The following TENM2 variants were observed in gnomAD, a reference collection of about 807,000 sequenced individuals.
TENM2 encodes teneurin-2.
In TENM2, 52 loss-of-function variants were observed where a neutral mutation model predicts 245.2. The ratio of observed to expected loss-of-function variants is 0.21; its 90% CI spans 0.17 to 0.27. The LOEUF (loss-of-function observed/expected upper bound fraction) is 0.27, where lower values mean the gene tolerates loss of function less well. Ranked by LOEUF, TENM2 falls within the 10% of genes least tolerant of loss-of-function variation. TENM2 has a pLI of 1.00. For missense variants in TENM2, 3,046 were observed against 3,666.8 expected (o/e 0.83, Z 4.37); for synonymous variants, 1,363 against 1,438.9 (o/e 0.95, Z 1.19).
intron 13 of TENM2, chr5:168,187,418 GA>G (rs1760567508): frequency 6.6e-6 from 1 of 152,234 alleles, no homozygotes; most frequent in Admixed American, 6.5e-5. Flanking sequence ...GTTGGAGGGG[GA>G]GGAAATATTT....
At chr5:167,715,660 A>G (rs1311285832) in intron 2 of TENM2, among the ~76,000 whole-genome samples, 3 of 152,192 alleles carry the variant, frequency 2.0e-5, no homozygotes, top group Admixed American at 1.3e-4. Flanking sequence ...ATACCTTTCC[A>G]TATAGTGTCA....
chr5:167,004,007 C>G, the TENM2 span, among the ~76,000 whole-genome samples: 1 of 152,122 alleles, frequency 6.6e-6, no homozygotes, highest in Non-Finnish European at 1.5e-5. Context: ...TTCCTTTGCT[C>G]AGGAATTGTA....
At chr5:167,349,234 G>A (rs1413917256) in intron 1 of TENM2, among the ~76,000 whole-genome samples, 1 of 152,148 alleles carries the variant, frequency 6.6e-6, no homozygotes, top group Non-Finnish European at 1.5e-5. Flanking sequence ...GTCATGGTTG[G>A]TGCACGTCAT....
At chr5:167,277,673 C>A in the TENM2 span, among the ~76,000 whole-genome samples, 1 of 152,184 alleles carries the variant, frequency 6.6e-6, no homozygotes, top group East Asian at 1.9e-4. Context: ...CTGATTTTTC[C>A]ACTTAAATAT....
chr5:167,526,798 T>C (rs975803338), intron 2 of TENM2, among the ~76,000 whole-genome samples: 1 of 152,126 alleles, frequency 6.6e-6, no homozygotes, highest in Non-Finnish European at 1.5e-5. Context: ...GGAACCTTTG[T>C]ATTTCTTGAA....
At chr5:167,928,392 G>A (rs1377387338) in intron 3 of TENM2, among the ~76,000 whole-genome samples, 1 of 152,130 alleles carries the variant, frequency 6.6e-6, no homozygotes, top group African/African-American at 2.4e-5. Context: ...TTTCCTCTAG[G>A]CCCATAAAGG....
chr5:168,200,252 C>A, intron 17 of TENM2, 121 bp downstream of exon 19: 2 of 866,788 alleles, frequency 2.3e-6, no homozygotes, highest in African/African-American at 1.7e-5. Flanking sequence ...ACACGATGGC[C>A]AAGAAGACAG....
chr5:167,801,314 A>G (rs768260075), intron 2 of TENM2, among the ~76,000 whole-genome samples: 1 of 151,592 alleles, frequency 6.6e-6, no homozygotes, highest in Non-Finnish European at 1.5e-5. Context: ...GGCAGCGTTT[A>G]TTTATTCCTT....
At chr5:167,387,774 A>G (rs562351041) in intron 2 of TENM2, among the ~76,000 whole-genome samples, 1 of 152,238 alleles carries the variant, frequency 6.6e-6, no homozygotes, top group East Asian at 1.9e-4. Flanking sequence ...TGTTGAGATG[A>G]TCATGTGATT....
intron 11 of TENM2, among the ~76,000 whole-genome samples, chr5:168,126,254 G>A (rs995819033): frequency 2.6e-5 from 4 of 152,172 alleles, no homozygotes; most frequent in Admixed American, 1.3e-4. Flanking sequence ...CTTGTGCTTG[G>A]TCAGTTCAGG....
chr5:167,186,473 G>A, the TENM2 span, among the ~76,000 whole-genome samples: 6 of 152,188 alleles, frequency 3.9e-5, no homozygotes, highest in Admixed American at 6.5e-5. Context: ...TTGCTGAAGC[G>A]AAGAAAGAAT....
chr5:167,287,617 T>C (rs746220889), intron 1 of TENM2: 4 of 152,164 alleles, frequency 2.6e-5, no homozygotes, highest in Non-Finnish European at 5.9e-5. Flanking sequence ...AGCTGGCCCA[T>C]TCAAGTATCA....
chr5:167,503,199 A>G (rs891820405), intron 2 of TENM2, among the ~76,000 whole-genome samples: 6 of 152,198 alleles, frequency 3.9e-5, no homozygotes, highest in African/African-American at 1.4e-4. Context: ...TAAGCAATTG[A>G]GTTAAAAATA....
chr5:168,255,114 T>A (rs572055589), intron 27 of TENM2, among the ~76,000 whole-genome samples: 9 of 152,058 alleles, frequency 5.9e-5, no homozygotes, highest in Non-Finnish European at 7.4e-5. Flanking sequence ...TTCTTGGAAT[T>A]CCCTACATAC....
intron 9 of TENM2, among the ~76,000 whole-genome samples, chr5:168,108,472 A>G (rs771087207): frequency 1.9e-4 from 29 of 152,342 alleles, no homozygotes; most frequent in Non-Finnish European, 3.7e-4. Context: ...GTGAGGTCCA[A>G]AAAGTAAATA....
chr5:167,043,833 C>T, the TENM2 span, among the ~76,000 whole-genome samples: 2 of 152,084 alleles, frequency 1.3e-5, no homozygotes, highest in African/African-American at 4.8e-5. Context: ...ACCATCCTGG[C>T]CAACATGGTG....
At chr5:167,112,804 C>A in the TENM2 span, among the ~76,000 whole-genome samples, 1 of 152,276 alleles carries the variant, frequency 6.6e-6, no homozygotes, top group African/African-American at 2.4e-5. Context: ...GCTTTCCTAA[C>A]GGAATATTGG....
intron 12 of TENM2, among the ~76,000 whole-genome samples, chr5:168,154,281 T>C (rs527377618): frequency 6.6e-6 from 1 of 152,188 alleles, no homozygotes; most frequent in Admixed American, 6.5e-5. Flanking sequence ...GGTGCGATCT[T>C]GGCTCACTGC....
At chr5:167,246,740 T>C in the TENM2 span, among the ~76,000 whole-genome samples, 1 of 151,908 alleles carries the variant, frequency 6.6e-6, no homozygotes, top group East Asian at 1.9e-4. Context: ...CCCATGTGTT[T>C]ATATGTTAGG....
Sources: gnomAD v4.1 joint callset for allele counts (sites outside exome capture counted in the v4.1 genomes callset) on GRCh38, gnomAD v4.1.1 for gene constraint, MANE v1.5 for transcripts, NCBI Gene and HGNC (gene_info 2026-07-23, HGNC 2026-07-21) for gene names.